The following PABPC1L variants were observed in gnomAD, a reference collection of about 807,000 sequenced individuals.
PABPC1L encodes poly(A) binding protein cytoplasmic 1 like.
Under a neutral mutation model 66.6 loss-of-function variants are expected in PABPC1L, and 31 were observed. The observed-to-expected ratio is 0.47, with a 90% CI of 0.35 to 0.63. The LOEUF (loss-of-function observed/expected upper bound fraction) is 0.63. Ranked by LOEUF, PABPC1L falls within the 20% of genes least tolerant of loss-of-function variation. The pLI is 0.00. For synonymous variants in PABPC1L, 348 were observed against 335.1 expected (o/e 1.04, Z -0.42); for missense variants, 722 against 848.8 (o/e 0.85, Z 1.86).
At chr20:44,930,391 AG>A (rs1237702216) in intron 7 of PABPC1L, 68 bp from the exon 8 acceptor site, 1 of 1,549,716 alleles carries the variant, frequency 6.5e-7, no homozygotes, top group African/African-American at 1.4e-5. Context: ...CATGGGGAGG[AG>A]GGAGGCAGCG....
chr20:44,916,941 C>G, intron 3 of PABPC1L, 70 bp downstream of exon 3: 1 of 1,436,044 alleles, frequency 7.0e-7, no homozygotes, highest in Non-Finnish European at 9.8e-7. Flanking sequence ...GACTAGGAAT[C>G]GATGCTACCC....
intron 3 of PABPC1L, 122 bp downstream of exon 3, chr20:44,916,993 C>T: frequency 2.3e-6 from 2 of 888,462 alleles, no homozygotes; most frequent in Non-Finnish European, 3.5e-6. Flanking sequence ...CGGCAGGCAG[C>T]CCTCCTAGAA....
In PABPC1L at chr20:44,939,120, C is replaced by T; in HGVS notation, c.*7-6C>T. On this transcript the variant is annotated splice_region_variant and splice_polypyrimidine_tract_variant and intron_variant, in intron 14 of 14. Coordinates refer to ENST00000217073, the MANE Select transcript of PABPC1L (RefSeq NM_001372179.1). ...AAAACACTTATTTTTACCTTTTTGT[C>T]CTCAGAAAAGGAAATCCTCGCTTCC... 1 of 717,822 alleles carries T rather than the reference C, an allele frequency of 1.4e-6. No homozygotes were observed. The highest frequency in any genetic ancestry group is 1.5e-5 in the South Asian group (1 of 67,608). 44.5% of individuals were successfully genotyped at this position (717,822 alleles called of 1,614,324 possible). A position where few individuals can be genotyped will look rare whatever the true frequency, so the allele number is the denominator to read the frequency against.
rs1187420554 is a variant in PABPC1L at position 44,910,216 on chromosome 20, G to A, written c.73G>A (p.Ala25Thr). ...VGDLHPDVTE[A>T]MLYEKFSPAG... is the part of the protein sequence containing the mutation. ...CGATCTGCACCCCGACGTGACCGAG[G>A]CCATGCTCTATGAGAAGTTCTCTCC... The change falls in exon 1 of 15, where the codon GCC becomes ACC. Residue 25 changes from alanine (A) to threonine (T), a missense_variant. By Grantham distance (58) the Ala-to-Thr change is moderately conservative. Coordinates refer to ENST00000217073, the MANE Select transcript of PABPC1L (RefSeq NM_001372179.1). The A allele has an allele frequency of 3.2e-6, 5 of 1,579,100 alleles. No homozygotes were observed. The highest frequency in any genetic ancestry group is 2.6e-6 in the Non-Finnish European group (3 of 1,162,704).
intron 1 of PABPC1L, 137 bp downstream of exon 1, chr20:44,910,473 G>T (rs187137489): frequency 1.0e-6 from 1 of 1,003,780 alleles, no homozygotes; most frequent in South Asian, 1.7e-5. Flanking sequence ...ATAACAGGGC[G>T]TTGGCAGAGG....
chr20:44,930,597 CAA>C lies in PABPC1L; in HGVS notation c.1112_1113del (p.Lys371ArgfsTer70). 6.2e-7 allele frequency: 1 copy of C among 1,614,246 alleles called. No individual in the cohort carries two copies. The highest frequency in any genetic ancestry group is 8.5e-7 in the Non-Finnish European group (1 of 1,180,042). ...CACTCTACGTGGCACTGGCCCAGCG[CAA>C]AGAGGAGCGGAAGGCCATCTTGACC... ...KPLYVALAQR[K>X]EERKAILTNQ... On this transcript the variant is annotated frameshift_variant, in exon 8 of 15. Coordinates refer to ENST00000217073, the MANE Select transcript of PABPC1L (RefSeq NM_001372179.1). LOFTEE classifies it high-confidence loss of function.
chr20:44,930,537 G>A lies in PABPC1L; in HGVS notation c.1050G>A (p.Val350=), dbSNP rs770407127. 17 of 1,614,276 alleles carry A rather than the reference G, an allele frequency of 1.1e-5. No individual in the cohort carries two copies. The highest frequency in any genetic ancestry group is 1.6e-4 in the Middle Eastern group (1 of 6,062). Reference sequence around the variant, plus strand: ...CCCCAGAAGAGGCGACAAAGGCCGTGACAGAGATGAACGGGCGCATCGTGG... The same window carrying A: ...CCCCAGAAGAGGCGACAAAGGCCGTAACAGAGATGAACGGGCGCATCGTGG... ...FSSPEEATKA[V]TEMNGRIVGT... Residue 350 remains valine (V), a synonymous_variant, in exon 8 of 15, where the codon GTG becomes GTA. Transcript: ENST00000217073.
At chr20:44,912,491 C>T (rs1174748932) in intron 1 of PABPC1L, among the ~76,000 whole-genome samples, 169 bp from the exon 2 acceptor site, 3 of 152,154 alleles carry the variant, frequency 2.0e-5, no homozygotes, top group Non-Finnish European at 2.9e-5. Flanking sequence ...CCTTCCTGAG[C>T]CTTTGGGCTC....
At chr20:44,937,455 C>T (rs933455061) in intron 12 of PABPC1L, among the ~76,000 whole-genome samples, 3 of 152,094 alleles carry the variant, frequency 2.0e-5, no homozygotes, top group African/African-American at 7.2e-5. Flanking sequence ...TGCTCTGCTG[C>T]CCCGGCTGGA....
At chr20:44,919,621 GCAGGAGGACCC>G (rs2066759748) in intron 5 of PABPC1L, among the ~76,000 whole-genome samples, 1 of 152,160 alleles carries the variant, frequency 6.6e-6, no homozygotes, top group Admixed American at 6.5e-5. Flanking sequence ...ATAGGCTGAG[GCAGGAGGACCC>G]CTTGAGCCCA....
intron 2 of PABPC1L, among the ~76,000 whole-genome samples, chr20:44,914,762 T>G (rs2066727358): frequency 6.6e-6 from 1 of 152,216 alleles, no homozygotes; most frequent in Admixed American, 6.5e-5. Flanking sequence ...AGATTTATCA[T>G]GTACTTTCTG....
At chr20:44,935,823 C>A (rs1293115319) in intron 11 of PABPC1L, among the ~76,000 whole-genome samples, 1 of 152,152 alleles carries the variant, frequency 6.6e-6, no homozygotes, top group Non-Finnish European at 1.5e-5. Flanking sequence ...ACAGAAAATA[C>A]TTACTGTAAT....
At chr20:44,935,248 C>T (rs1466179479) in intron 10 of PABPC1L, 143 bp from the exon 11 acceptor site, 4 of 636,684 alleles carry the variant, frequency 6.3e-6, no homozygotes, top group African/African-American at 5.5e-5. Context: ...ACATTCCTAC[C>T]AACAGTGCAC....
At chr20:44,927,122 G>A (rs980678047) in intron 7 of PABPC1L, among the ~76,000 whole-genome samples, 1 of 152,006 alleles carries the variant, frequency 6.6e-6, no homozygotes, top group Admixed American at 6.6e-5. Context: ...CTGGGCTCAA[G>A]CAGTCCTCCT....
intron 1 of PABPC1L, among the ~76,000 whole-genome samples, chr20:44,911,817 T>C (rs2066707434): frequency 6.6e-6 from 1 of 152,166 alleles, no homozygotes; most frequent in South Asian, 2.1e-4. Flanking sequence ...TTGCCCCAGG[T>C]ATTTATGATA....
chr20:44,938,343 A>G, intron 13 of PABPC1L, 152 bp downstream of exon 13: 2 of 1,129,422 alleles, frequency 1.8e-6, no homozygotes, highest in Non-Finnish European at 2.4e-6. Flanking sequence ...TTAAGAGTGG[A>G]AGGGGCCTTA....
chr20:44,925,070 G>A lies in PABPC1L; in HGVS notation c.972+814G>A, dbSNP rs573074955. 1.7e-4 allele frequency among the ~76,000 whole-genome samples: 26 copies of A among 151,262 alleles called. 2 individuals are homozygous for A. In the East Asian group the frequency reaches 1.9e-3, roughly 11 times the overall value. ...CTACTAAAAATACAAAAAATTAGCC[G>A]GGCATGATGGCACGTGCCTATAGTC... On this transcript the variant is annotated intron_variant, in intron 7 of 14. Coordinates refer to ENST00000217073, the MANE Select transcript of PABPC1L (RefSeq NM_001372179.1).
At chr20:44,933,972 G>A (rs112977089) in intron 10 of PABPC1L, among the ~76,000 whole-genome samples, 230 of 151,870 alleles carry the variant, frequency 1.5e-3, no homozygotes, top group Non-Finnish European at 2.4e-3. Context: ...GGCTGGTCTC[G>A]AACTCCTGAC....
intron 6 of PABPC1L, among the ~76,000 whole-genome samples, chr20:44,922,772 T>A (rs1489812400): frequency 1.3e-5 from 2 of 152,222 alleles, no homozygotes; most frequent in Non-Finnish European, 2.9e-5. Context: ...TAGTTCTCAG[T>A]GAGGAGCAGT....
Sources: allele counts gnomAD v4.1 joint callset (sites outside exome capture counted in the v4.1 genomes callset), GRCh38; gene constraint gnomAD v4.1.1; transcripts MANE v1.5; gene names NCBI Gene and HGNC (gene_info 2026-07-23, HGNC 2026-07-21).